The following CACNA2D4 variants were observed in gnomAD, a reference collection of about 807,000 sequenced individuals.
CACNA2D4 encodes the protein calcium voltage-gated channel auxiliary subunit alpha2delta 4.
CACNA2D4 carries 157 observed loss-of-function variants against 163.8 expected under a neutral mutation model. The ratio of observed to expected loss-of-function variants is 0.96; its 90% CI spans 0.84 to 1.09. The LOEUF is 1.09. Ranked by LOEUF, CACNA2D4 falls within the 50% of genes least tolerant of loss-of-function variation. The pLI is 0.00. For synonymous variants in CACNA2D4, 598 were observed against 586.9 expected (o/e 1.02, Z -0.27); for missense variants, 1,410 against 1,479.9 (o/e 0.95, Z 0.78).
At chr12:1,859,950 G>T (rs966874109) in intron 19 of CACNA2D4, among the ~76,000 whole-genome samples, 195 bp downstream of exon 19, 4 of 152,230 alleles carry the variant, frequency 2.6e-5, no homozygotes, top group African/African-American at 9.6e-5. Context: ...AAATGGTAGA[G>T]CTGGGGTTCA....
At chr12:1,816,796 A>G (rs1863889876) in intron 26 of CACNA2D4, among the ~76,000 whole-genome samples, 1 of 152,052 alleles carries the variant, frequency 6.6e-6, no homozygotes. Flanking sequence ...GCACACACGG[A>G]CACACATGCA....
chr12:1,847,049 C>T (rs1406371170), intron 23 of CACNA2D4, among the ~76,000 whole-genome samples: 1 of 152,206 alleles, frequency 6.6e-6, no homozygotes, highest in Non-Finnish European at 1.5e-5. Context: ...ACAGGAACTT[C>T]TCATGCCCAG....
At chr12:1,889,134 A>G (rs1474999823) in intron 6 of CACNA2D4, among the ~76,000 whole-genome samples, 2 of 152,348 alleles carry the variant, frequency 1.3e-5, no homozygotes, top group South Asian at 2.1e-4. Flanking sequence ...CAGCAAAACT[A>G]TCATTCAAGA....
At position 1,800,033 on chromosome 12, in the gene CACNA2D4, C is replaced by T. The variant is rs1167111745; in HGVS notation, c.2941G>A (p.Val981Ile). The change falls in exon 33 of 38, where the codon GTC becomes ATC. Residue 981 changes from valine to isoleucine, a missense_variant. Physicochemically the swap from Val to Ile is conservative, Grantham distance 29 (BLOSUM62 3). Coordinates refer to ENST00000382722, the MANE Select transcript of CACNA2D4 (RefSeq NM_172364.5). ...ELVLFLLEWS[V>I]WGSWYDRGAE... ...CCTCTGTCGTACCAGGAGCCCCAGA[C>T]ACTCCACTCCAGCAGGAACCTGTCA... The T allele has an allele frequency of 2.5e-6, 4 of 1,603,730 alleles. No homozygotes were observed. Among genetic ancestry groups the T allele is most frequent in the African/African-American group, 2.7e-5 (2 of 74,650 alleles).
At chr12:1,850,876 C>T (rs112359717) in intron 23 of CACNA2D4, among the ~76,000 whole-genome samples, 252 of 89,970 alleles carry the variant, frequency 2.8e-3, no homozygotes, top group African/African-American at 9.5e-3. Flanking sequence ...AGCGAGACTC[C>T]GTCTCAAAAA....
At chr12:1,816,694 C>T (rs1412531463) in intron 26 of CACNA2D4, among the ~76,000 whole-genome samples, 1 of 152,248 alleles carries the variant, frequency 6.6e-6, no homozygotes, top group Non-Finnish European at 1.5e-5. Context: ...CAGACTGTCA[C>T]CTCGGTGCTG....
At chr12:1,916,651 C>T (rs1297804492) in intron 1 of CACNA2D4, among the ~76,000 whole-genome samples, 1 of 152,146 alleles carries the variant, frequency 6.6e-6, no homozygotes, top group Non-Finnish European at 1.5e-5. Flanking sequence ...CCACGGAAGT[C>T]AAGGACTGGG....
In CACNA2D4 at chr12:1,846,591, C is replaced by T. The variant is rs1321554033; in HGVS notation, c.2342+3G>A. ...CCCTCCCGAGGTGGCCGGCCCAACCCACCTGTCGGAGACCTTCTCGGAGCC... is the reference window on the plus strand; with the variant it reads ...CCCTCCCGAGGTGGCCGGCCCAACCTACCTGTCGGAGACCTTCTCGGAGCC... On this transcript the variant is annotated splice_donor_region_variant and intron_variant, in intron 24 of 37. Coordinates refer to ENST00000382722, the MANE Select transcript of CACNA2D4 (RefSeq NM_172364.5). The T allele has an allele frequency of 6.3e-7, 1 of 1,590,090 alleles. No homozygotes were observed. Among genetic ancestry groups the T allele is most frequent in the East Asian group, 2.3e-5 (1 of 43,872 alleles).
At chr12:1,876,319 C>A (rs1865879269) in intron 16 of CACNA2D4, among the ~76,000 whole-genome samples, 1 of 152,200 alleles carries the variant, frequency 6.6e-6, no homozygotes, top group South Asian at 2.1e-4. Context: ...AAAGACCTCC[C>A]TTCAACTTGA....
At chr12:1,909,790 A>G (rs762621092) in intron 4 of CACNA2D4, 116 bp downstream of exon 4, 29 of 808,424 alleles carry the variant, frequency 3.6e-5, no homozygotes, top group Non-Finnish European at 6.0e-5. Context: ...GTGAGCAGTA[A>G]ATGTCTATGG....
intron 6 of CACNA2D4, among the ~76,000 whole-genome samples, chr12:1,904,478 C>T (rs1866609170): frequency 6.6e-6 from 1 of 151,582 alleles, no homozygotes; most frequent in Non-Finnish European, 1.5e-5. Flanking sequence ...ATCTCATATA[C>T]CCCATAAATA....
chr12:1,828,286 C>T lies in CACNA2D4; in HGVS notation c.2551+12453G>A, dbSNP rs2154446896. On this transcript the variant is annotated intron_variant, in intron 26 of 37. Transcript: ENST00000382722. The surrounding 1 kb of genome is among the most constrained non-coding windows in gnomAD (Gnocchi z 4.2). The stretch of plus-strand genomic sequence containing the variant: ...GTGCCGAGGTGACTGTAGGTAGCGC[C>T]ATATGGGACCTTAGCCACACTCAGG... 1.5e-6 allele frequency: 2 copies of T among 1,315,040 alleles called. No individual in the cohort carries two copies. The highest frequency in any genetic ancestry group is 5.4e-5 in the East Asian group (2 of 37,172). The allele number at this position is 1,315,040 out of a possible 1,614,324, so 81.5% of individuals were successfully genotyped here.
At position 1,844,266 on chromosome 12, in the gene CACNA2D4, G is replaced by A. The variant is rs564934466; in HGVS notation, c.2470+136C>T. 32 of 1,037,270 alleles carry A rather than the reference G, an allele frequency of 3.1e-5. No individual in the cohort carries two copies. In the African/African-American group the frequency reaches 3.7e-4, roughly 12 times the overall value. The allele number at this position is 1,037,270 out of a possible 1,614,324, so 64.3% of individuals were successfully genotyped here. ...AGTCACTAATGCATGCAGGAGGGAA[G>A]GCAGGAGGGGAACCCTGGTGGTCTG... On this transcript the variant is annotated intron_variant, in intron 25 of 37. Transcript: ENST00000382722. This position sits in a 1 kb window ranked among gnomAD's most constrained non-coding sequence, Gnocchi z 4.2.
intron 24 of CACNA2D4, among the ~76,000 whole-genome samples, chr12:1,845,554 C>T (rs1196753293): frequency 3.3e-5 from 5 of 152,126 alleles, no homozygotes; most frequent in East Asian, 3.9e-4. Context: ...GAGCAGCTGG[C>T]GGGTGGGAGG....
chr12:1,819,191 C>G (rs776926996), intron 26 of CACNA2D4, among the ~76,000 whole-genome samples: 4 of 152,078 alleles, frequency 2.6e-5, no homozygotes, highest in African/African-American at 7.2e-5. Flanking sequence ...GAGAGCATTT[C>G]AGGCCCAGGG....
At chr12:1,801,161 C>G (rs1020488441) in intron 30 of CACNA2D4, 43 bp from the exon 31 acceptor site, 1 of 1,540,600 alleles carries the variant, frequency 6.5e-7, no homozygotes, top group African/African-American at 1.4e-5. Flanking sequence ...AAGCCACCCC[C>G]ACCCCCTGCC....
rs115529798 is a variant in CACNA2D4 at position 1,796,109 on chromosome 12, G to T, written c.3114-329C>A. On this transcript the variant is annotated intron_variant, in intron 35 of 37. Coordinates refer to ENST00000382722, the MANE Select transcript of CACNA2D4 (RefSeq NM_172364.5). ...TAAATCAAGACCGTCCGGAGCAAATGGGCGGGCGAGGCAACACTTGCTCTG... is the reference window on the plus strand; with the variant it reads ...TAAATCAAGACCGTCCGGAGCAAATTGGCGGGCGAGGCAACACTTGCTCTG... 3.3e-3 allele frequency among the ~76,000 whole-genome samples: 508 copies of T among 152,370 alleles called. 2 individuals carry two copies. Among genetic ancestry groups the T allele is most frequent in the African/African-American group, 0.012 (485 of 41,598 alleles).
chr12:1,862,433 T>G (rs1165872551), intron 18 of CACNA2D4, among the ~76,000 whole-genome samples: 1 of 152,126 alleles, frequency 6.6e-6, no homozygotes, highest in East Asian at 1.9e-4. Flanking sequence ...TTTTTTGGTT[T>G]TTGTTTTGTT....
intron 26 of CACNA2D4, among the ~76,000 whole-genome samples, chr12:1,840,420 C>T (rs1176452544): frequency 3.9e-5 from 4 of 102,978 alleles, no homozygotes; most frequent in South Asian, 3.5e-4. Context: ...AGCTTGCATA[C>T]GGTAAATATA....
Sources: allele counts gnomAD v4.1 joint callset (sites outside exome capture counted in the v4.1 genomes callset), GRCh38; gene constraint gnomAD v4.1.1; non-coding constraint Gnocchi (gnomAD v3.1); transcripts MANE v1.5; gene names NCBI Gene and HGNC (gene_info 2026-07-23, HGNC 2026-07-21).